ACER3: variants seen among roughly 807,000 people sequenced by gnomAD.
ACER3 encodes alkCDase 3.
ACER3 carries 16 observed loss-of-function variants against 48.9 expected under a neutral mutation model. That is an observed-to-expected ratio of 0.33 (90% CI 0.22 to 0.50). The LOEUF is 0.50. Ranked by LOEUF, ACER3 falls within the 20% of genes least tolerant of loss-of-function variation. The pLI is 0.98. For synonymous variants in ACER3, 109 were observed against 107.8 expected, an observed-to-expected ratio of 1.01 and a Z score of -0.07; for missense variants, 227 against 326.0, an observed-to-expected ratio of 0.70 and a Z score of 2.34.
chr11:76,915,678 AT>A (rs1216199980), intron 1 of ACER3, among the ~76,000 whole-genome samples: 48 of 152,230 alleles, frequency 3.2e-4, no homozygotes, highest in Non-Finnish European at 2.4e-4. Flanking sequence ...AGACTGGGTA[AT>A]TTATGAAGAA....
In ACER3 at chr11:76,898,509, T is replaced by C. The variant is rs1035197813; in HGVS notation, c.104-28048T>C. Among the ~76,000 whole-genome samples, 3 of 152,284 alleles carry C rather than the reference T, an allele frequency of 2.0e-5. No homozygotes were observed. In the South Asian group the frequency reaches 6.2e-4, roughly 32 times the overall value. On this transcript the variant is annotated intron_variant, in intron 1 of 10. Coordinates refer to ENST00000532485, the MANE Select transcript of ACER3 (RefSeq NM_018367.7). ...GGTGCATGCTGCTATGCCCAACTTA[T>C]AGAGGAGTTTTAATGGAGTATATTT...
chr11:76,869,883 A>G (rs1945198449), intron 1 of ACER3, among the ~76,000 whole-genome samples: 1 of 152,164 alleles, frequency 6.6e-6, no homozygotes. Context: ...GTTTTTTGAG[A>G]AAGGGTCTCA....
chr11:76,887,661 A>G (rs1392105724), intron 1 of ACER3, among the ~76,000 whole-genome samples: 2 of 152,142 alleles, frequency 1.3e-5, no homozygotes, highest in Admixed American at 1.3e-4. Context: ...CCTTACTTAG[A>G]AAAGTGCTAC....
chr11:76,924,459 C>G (rs1420794400), intron 1 of ACER3, among the ~76,000 whole-genome samples: 1 of 152,050 alleles, frequency 6.6e-6, no homozygotes, highest in Non-Finnish European at 1.5e-5. Context: ...CCACCTTGGT[C>G]TCCCAAAGTG....
chr11:76,957,448 G>T (rs541361755), intron 2 of ACER3: 63 of 452,150 alleles, frequency 1.4e-4, no homozygotes, highest in East Asian at 7.0e-4. Context: ...TTGTGTGTGT[G>T]TTTTTTCATT....
chr11:76,995,944 C>T (rs1255190676), intron 6 of ACER3, among the ~76,000 whole-genome samples: 1 of 152,090 alleles, frequency 6.6e-6, no homozygotes, highest in African/African-American at 2.4e-5. Flanking sequence ...AACTATAGAC[C>T]TAGGAATCCA....
chr11:76,902,596 CT>C (rs1475205427), intron 1 of ACER3, among the ~76,000 whole-genome samples: 1 of 152,142 alleles, frequency 6.6e-6, no homozygotes, highest in African/African-American at 2.4e-5. Context: ...TATGTAATGA[CT>C]TTTCTCTGCT....
intron 7 of ACER3, among the ~76,000 whole-genome samples, chr11:77,010,541 C>G (rs1444605714): frequency 6.6e-6 from 1 of 150,840 alleles, no homozygotes; most frequent in Non-Finnish European, 1.5e-5. Flanking sequence ...GAGACAGAGG[C>G]AGAGAATAGA....
chr11:76,975,843 A>C (rs1474884696), intron 3 of ACER3, among the ~76,000 whole-genome samples: 3 of 151,844 alleles, frequency 2.0e-5, no homozygotes, highest in African/African-American at 7.3e-5. Flanking sequence ...AATTAGTAAA[A>C]GAAATAAGAG....
chr11:77,005,995 T>TATATATATATACATATATATATATATA (rs1555020944), intron 7 of ACER3, among the ~76,000 whole-genome samples: 1 of 88,656 alleles, frequency 1.1e-5, no homozygotes, highest in Admixed American at 1.1e-4. Context: ...ATATATATTT[T>TATATATATATACATATATATATATATA]TTTTTTTTTT....
At chr11:76,933,053 G>T (rs1286491128) in intron 2 of ACER3, among the ~76,000 whole-genome samples, 1 of 151,828 alleles carries the variant, frequency 6.6e-6, no homozygotes, top group East Asian at 1.9e-4. Flanking sequence ...GCCCTTTGGA[G>T]ATGCGTTAGT....
chr11:76,959,124 G>A, intron 3 of ACER3, 93 bp downstream of exon 3: 1 of 1,593,736 alleles, frequency 6.3e-7, no homozygotes, highest in Non-Finnish European at 8.5e-7. Flanking sequence ...GCTAAAAGAT[G>A]GGATTTGTAA....
intron 1 of ACER3, among the ~76,000 whole-genome samples, chr11:76,917,059 A>G (rs1385020892): frequency 3.9e-5 from 6 of 152,152 alleles, no homozygotes; most frequent in East Asian, 1.9e-4. Flanking sequence ...TCCCAAACCT[A>G]CAATGTACTT....
rs1275731647 is a variant in ACER3 at position 77,023,497 on chromosome 11, C to T, written c.*3170C>T. On this transcript the variant is annotated 3_prime_UTR_variant, in exon 11 of 11. Coordinates refer to ENST00000532485, the MANE Select transcript of ACER3 (RefSeq NM_018367.7). ...GGTTATCTTATGAGTCCTATGAAAA[C>T]AATTATTTGTTGCTAAATTTGAGTT... 7.2e-6 allele frequency: 2 copies of T among 277,284 alleles called. No individual in the cohort carries two copies. Among genetic ancestry groups the T allele is most frequent in the Non-Finnish European group, 1.3e-5 (2 of 150,124 alleles). 17.2% of individuals were successfully genotyped at this position (277,284 alleles called of 1,614,324 possible).
chr11:76,990,848 A>G (rs1236435132), intron 6 of ACER3, among the ~76,000 whole-genome samples: 1 of 152,228 alleles, frequency 6.6e-6, no homozygotes, highest in African/African-American at 2.4e-5. Context: ...TATAAGCAGA[A>G]AGAACCAGGA....
intron 1 of ACER3, among the ~76,000 whole-genome samples, chr11:76,895,471 A>G (rs1295791121): frequency 6.6e-6 from 1 of 152,206 alleles, no homozygotes; most frequent in Admixed American, 6.5e-5. Context: ...GGTACCAGGA[A>G]GAGAAAAAGT....
At position 76,997,687 on chromosome 11, in the gene ACER3, A is replaced by T. The variant is rs551103175; in HGVS notation, c.439-1076A>T. On this transcript the variant is annotated intron_variant, in intron 6 of 10. Transcript: ENST00000532485. ...CTTGTCTATACTAAAAAGAAAAAAA[A>T]TTAGCCAGGATGTGGTTACGCACAC... 9.2e-3 allele frequency among the ~76,000 whole-genome samples: 1,386 copies of T among 151,340 alleles called. 69 individuals carry two copies. Among genetic ancestry groups the T allele is most frequent in the Admixed American group, 0.085 (1,286 of 15,204 alleles).
chr11:77,001,529 T>C (rs1949031376), intron 7 of ACER3, among the ~76,000 whole-genome samples: 1 of 152,210 alleles, frequency 6.6e-6, no homozygotes, highest in South Asian at 2.1e-4. Context: ...GTGCTGGGAT[T>C]ACAGGTGTGA....
At chr11:76,872,351 C>T (rs1432327451) in intron 1 of ACER3, among the ~76,000 whole-genome samples, 1 of 152,166 alleles carries the variant, frequency 6.6e-6, no homozygotes, top group African/African-American at 2.4e-5. Flanking sequence ...GCTGGGATTA[C>T]AGGCGTGAGC....
Sources: gnomAD v4.1 joint callset for allele counts (sites outside exome capture counted in the v4.1 genomes callset) on GRCh38, gnomAD v4.1.1 for gene constraint, MANE v1.5 for transcripts, NCBI Gene and HGNC (gene_info 2026-07-23, HGNC 2026-07-21) for gene names.